SYNE1: variants seen among roughly 807,000 people sequenced by gnomAD.
SYNE1 encodes the protein nesprin-1.
SYNE1 carries 616 observed loss-of-function variants against 1,111.0 expected under a neutral mutation model. The ratio of observed to expected loss-of-function variants is 0.55; its 90% CI spans 0.52 to 0.59. SYNE1 has a LOEUF of 0.59. Ranked by LOEUF, SYNE1 falls within the 20% of genes least tolerant of loss-of-function variation. SYNE1 has a pLI of 0.00. For synonymous variants in SYNE1, 3,855 were observed against 3,825.8 expected (o/e 1.01, Z -0.28); for missense variants, 10,006 against 10,417.0 (o/e 0.96, Z 1.72).
chr6:152,199,224 T>C (rs1563427328), intron 127 of SYNE1, among the ~76,000 whole-genome samples: 1 of 152,236 alleles, frequency 6.6e-6, no homozygotes, highest in Non-Finnish European at 1.5e-5. Flanking sequence ...GTATTGATCT[T>C]CTTTACTTTA....
At position 152,228,034 on chromosome 6, in the gene SYNE1, C is replaced by T. The variant is rs150399923; in HGVS notation, c.21196-2158G>A. ...AAATTAATAAATCACCTATAAAAGA[C>T]TGGGAAAATACTCAAGATTTTTAAA... On this transcript the variant is annotated intron_variant, in intron 115 of 145. Coordinates refer to ENST00000367255, the MANE Select transcript of SYNE1 (RefSeq NM_182961.4). Among the ~76,000 whole-genome samples the T allele has an allele frequency of 8.8e-4, 134 of 152,164 alleles. 1 individual carries two copies. The highest frequency in any genetic ancestry group is 2.7e-3 in the Admixed American group (42 of 15,276).
In SYNE1 at chr6:152,441,191, T is replaced by C. The variant is rs780211468; in HGVS notation, c.4088A>G (p.His1363Arg). ...ACTGCTAAAACTCAAGAAGCGTTCA[T>C]GACTGGAACCTGTTTGAAAAAGGTA... ...VRYLFQTGSS[H>R]ERFLSFSSLE... Residue 1363 changes from histidine to arginine, a missense_variant, in exon 32 of 146, where the codon CAT becomes CGT. Coordinates refer to ENST00000367255, the MANE Select transcript of SYNE1 (RefSeq NM_182961.4). 3 of 1,613,602 alleles carry C rather than the reference T, an allele frequency of 1.9e-6. No homozygotes were observed. Among genetic ancestry groups the C allele is most frequent in the Admixed American group, 3.3e-5 (2 of 60,008 alleles).
chr6:152,385,326 G>C (rs1439330358), intron 55 of SYNE1, among the ~76,000 whole-genome samples: 2 of 152,142 alleles, frequency 1.3e-5, no homozygotes, highest in Non-Finnish European at 2.9e-5. Context: ...TCAGGTTATT[G>C]TTAGAATACA....
chr6:152,157,193 G>A (rs954582674), intron 131 of SYNE1, among the ~76,000 whole-genome samples: 6 of 151,976 alleles, frequency 3.9e-5, no homozygotes, highest in Non-Finnish European at 7.4e-5. Flanking sequence ...ATCAATGGAC[G>A]AACAAATAAA....
Position 152,151,583 on chromosome 6 carries a change from A to G in SYNE1, c.24420T>C (p.Cys8140=), listed in dbSNP as rs1437033330. The G allele has an allele frequency of 1.9e-6, 3 of 1,614,016 alleles. No homozygotes were observed. The African/African-American group carries it at 4.0e-5, about 22-fold the overall frequency. ...GTTGCTTTATTTTAGCTTGAACATC[A>G]CACTCAGAAAAATGTTCAATATTAG... The part of the protein sequence containing the change: ...QLTNIEHFSE[C]DVQAKIKQLK... The change falls in exon 135 of 146, where the codon TGT becomes TGC. Residue 8140 remains cysteine (C), a synonymous_variant. Transcript: ENST00000367255.
Position 152,428,357 on chromosome 6 carries a change from C to A in SYNE1, c.4824G>T (p.Ala1608=), listed in dbSNP as rs369587906. Residue 1608 remains alanine, a synonymous_variant, in exon 37 of 146, where the codon GCG becomes GCT. Coordinates refer to ENST00000367255, the MANE Select transcript of SYNE1 (RefSeq NM_182961.4). ...LCQALESLSS[A]ITAFSASARK... ...TGGCACTGGCTGAGAAGGCAGTGAT[C>A]GCGCTGCTCAGTGACTCCAGGGCCT... The A allele has an allele frequency of 1.9e-6, 3 of 1,613,964 alleles. No homozygotes were observed. Among genetic ancestry groups the A allele is most frequent in the Non-Finnish European group, 2.5e-6 (3 of 1,180,030 alleles).
chr6:152,421,671 TTTTATTTA>T (rs377235444), intron 39 of SYNE1, among the ~76,000 whole-genome samples: 16,418 of 145,310 alleles, frequency 0.11, 1,209 homozygotes, highest in East Asian at 0.35. Flanking sequence ...ATTTTCCTTA[TTTTATTTA>T]TTTATTTATT....
At chr6:152,398,338 G>T (rs1005609137) in intron 49 of SYNE1, among the ~76,000 whole-genome samples, 2 of 152,014 alleles carry the variant, frequency 1.3e-5, no homozygotes, top group African/African-American at 4.8e-5. Flanking sequence ...TACTCTTATT[G>T]TTATAAAAAT....
At chr6:152,488,534 A>G (rs1477400317) in intron 11 of SYNE1, 31 bp from the exon 12 acceptor site, 4 of 1,175,828 alleles carry the variant, frequency 3.4e-6, no homozygotes, top group Non-Finnish European at 5.1e-6. Context: ...CAATTTTATT[A>G]GTATCTGTGC....
In SYNE1 at chr6:152,354,733, C is replaced by T. The variant is rs577389543; in HGVS notation, c.10852G>A (p.Glu3618Lys). The T allele has an allele frequency of 1.2e-6, 2 of 1,614,246 alleles. No individual in the cohort carries two copies. Among genetic ancestry groups the T allele is most frequent in the Non-Finnish European group, 1.7e-6 (2 of 1,180,050 alleles). Residue 3618 changes from glutamate (E) to lysine (K), a missense_variant, in exon 67 of 146, where the codon GAG (glutamate) becomes AAG (lysine). Coordinates refer to ENST00000367255, the MANE Select transcript of SYNE1 (RefSeq NM_182961.4). ...QQVDEWLKTAEEKVSPRTRRQ... is the reference protein window; with the variant it reads ...QQVDEWLKTAKEKVSPRTRRQ... ...CTGGTCCTGGGACTAACTTTCTCCT[C>T]TGCTGTTTTGAGCCATTCATCTACT...
intron 3 of SYNE1, among the ~76,000 whole-genome samples, chr6:152,575,173 T>G (rs1027873583): frequency 6.6e-6 from 1 of 152,208 alleles, no homozygotes; most frequent in African/African-American, 2.4e-5. Flanking sequence ...TCTGGGAATG[T>G]AATAAATGCC....
chr6:152,177,186 A>T (rs1183497093), intron 129 of SYNE1, among the ~76,000 whole-genome samples: 3 of 152,216 alleles, frequency 2.0e-5, no homozygotes, highest in Non-Finnish European at 1.5e-5. Context: ...ACAGGCCTCA[A>T]ACCTTCTTAA....
intron 46 of SYNE1, among the ~76,000 whole-genome samples, chr6:152,402,858 A>C (rs1486583610): frequency 6.6e-6 from 1 of 152,118 alleles, no homozygotes; most frequent in Admixed American, 6.6e-5. Flanking sequence ...AACTCTGTAA[A>C]AGTCCAACTG....
At chr6:152,316,615 T>C (rs2095730021) in intron 87 of SYNE1, 1 of 535,682 alleles carries the variant, frequency 1.9e-6, no homozygotes, top group South Asian at 2.1e-5. Flanking sequence ...GTTTGGGTCT[T>C]GGTGTAAGGT....
At chr6:152,253,813 G>GTTT (rs2089997373) in intron 104 of SYNE1, among the ~76,000 whole-genome samples, 5 of 33,236 alleles carry the variant, frequency 1.5e-4, no homozygotes, top group Admixed American at 3.9e-4. Flanking sequence ...ATGTGTAGTG[G>GTTT]TTTGGTTTTT....
At chr6:152,446,666 G>A (rs2098595357) in intron 29 of SYNE1, among the ~76,000 whole-genome samples, 1 of 152,112 alleles carries the variant, frequency 6.6e-6, no homozygotes, top group Non-Finnish European at 1.5e-5. Flanking sequence ...AGAAATACTG[G>A]TAAATATCTA....
At chr6:152,370,379 A>AT (rs1298793138) in intron 59 of SYNE1, among the ~76,000 whole-genome samples, 1 of 152,164 alleles carries the variant, frequency 6.6e-6, no homozygotes, top group East Asian at 1.9e-4. Flanking sequence ...GTTAGTCAAC[A>AT]TTTGGTTGAT....
intron 128 of SYNE1, among the ~76,000 whole-genome samples, chr6:152,182,555 CA>C (rs1316042487): frequency 5.3e-5 from 8 of 152,172 alleles, no homozygotes; most frequent in African/African-American, 1.9e-4. Context: ...TTCCTTAATA[CA>C]TTTACTTTTT....
At chr6:152,407,952 G>A (rs2097928004) in intron 44 of SYNE1, among the ~76,000 whole-genome samples, 2 of 151,740 alleles carry the variant, frequency 1.3e-5, no homozygotes, top group Non-Finnish European at 1.5e-5. Context: ...TAGTAGAGAT[G>A]GGGTTTCACC....
Sources: gnomAD v4.1 joint callset for allele counts (sites outside exome capture counted in the v4.1 genomes callset) on GRCh38, gnomAD v4.1.1 for gene constraint, MANE v1.5 for transcripts, NCBI Gene and HGNC (gene_info 2026-07-23, HGNC 2026-07-21) for gene names.